The following ASRGL1 variants were observed in gnomAD, a reference collection of about 807,000 sequenced individuals.
ASRGL1 encodes isoaspartyl peptidase/L-asparaginase.
Under a neutral mutation model 22.4 loss-of-function variants are expected in ASRGL1, and 16 were observed. The observed-to-expected ratio is 0.71, with a 90% CI of 0.48 to 1.08. ASRGL1 has a LOEUF of 1.08. ASRGL1 is among the 50% of genes least tolerant of loss of function. The probability of loss-of-function intolerance (pLI) is 0.00; values close to 1 mark genes in which losing one functional copy is unlikely to be tolerated. For synonymous variants in ASRGL1, 165 were observed against 159.3 expected (o/e 1.04, Z -0.27); for missense variants, 412 against 410.1 (o/e 1.00, Z -0.04).
At chr11:62,390,981 G>C (rs2134705043) in intron 5 of ASRGL1, among the ~76,000 whole-genome samples, 1 of 152,314 alleles carries the variant, frequency 6.6e-6, no homozygotes, top group South Asian at 2.1e-4. Flanking sequence ...TATCAAAGTA[G>C]CTTTCACTCC....
intron 5 of ASRGL1, among the ~76,000 whole-genome samples, chr11:62,391,196 G>T (rs1319257132): frequency 3.3e-5 from 5 of 152,186 alleles, no homozygotes; most frequent in African/African-American, 4.8e-5. Flanking sequence ...AGTGTGTGGG[G>T]CATGAGGAGG....
At chr11:62,339,744 C>T (rs1247510586) in intron 2 of ASRGL1, among the ~76,000 whole-genome samples, 4 of 152,146 alleles carry the variant, frequency 2.6e-5, no homozygotes, top group Non-Finnish European at 5.9e-5. Flanking sequence ...CCTCATTTCT[C>T]AGATCAGACT....
chr11:62,363,366 T>C, intron 4 of ASRGL1, among the ~76,000 whole-genome samples: 1 of 151,996 alleles, frequency 6.6e-6, no homozygotes, highest in East Asian at 1.9e-4. Flanking sequence ...TTGAAGAAAA[T>C]TCATAGAGAG....
intron 4 of ASRGL1, among the ~76,000 whole-genome samples, chr11:62,383,602 CAAAAAAAAAAAA>C (rs35096038): frequency 1.8e-4 from 4 of 21,900 alleles, no homozygotes; most frequent in Admixed American, 7.8e-4. Flanking sequence ...GACTCCTACT[CAAAAAAAAAAAA>C]AAAAAAAAAA....
In ASRGL1 at chr11:62,393,252, G is replaced by A. The variant is rs1002939953; in HGVS notation, c.*968G>A. ...GCATGGTGAAGAAAGTCATTTCCTC[G>A]GTGGGCAGTATTCCTCTTTATCTCT... On this transcript the variant is annotated 3_prime_UTR_variant, in exon 7 of 7. Coordinates refer to ENST00000415229, the MANE Select transcript of ASRGL1 (RefSeq NM_001083926.2). 4 of 152,136 alleles carry A rather than the reference G, an allele frequency of 2.6e-5. No homozygotes were observed. Among genetic ancestry groups the A allele is most frequent in the Admixed American group, 6.5e-5 (1 of 15,276 alleles). 9.4% of individuals were successfully genotyped at this position (152,136 alleles called of 1,614,324 possible).
At chr11:62,374,124 G>A (rs1194711786) in intron 4 of ASRGL1, among the ~76,000 whole-genome samples, 5 of 152,256 alleles carry the variant, frequency 3.3e-5, no homozygotes, top group Admixed American at 6.5e-5. Flanking sequence ...TGCCTCGTGC[G>A]GGCCATCCTG....
intron 4 of ASRGL1, chr11:62,371,999 G>T: frequency 1.5e-6 from 1 of 680,536 alleles, no homozygotes; most frequent in Non-Finnish European, 2.7e-6. Context: ...AGCTGCGTAC[G>T]GCAATATCCG....
intron 5 of ASRGL1, among the ~76,000 whole-genome samples, chr11:62,390,495 AC>A (rs1947312660): frequency 6.6e-6 from 1 of 152,180 alleles, no homozygotes; most frequent in Admixed American, 6.5e-5. Context: ...TGCCAGGACC[AC>A]CCTTGGAGAC....
At chr11:62,396,039 G>A (rs1947429775), downstream of ASRGL1, among the ~76,000 whole-genome samples, 1 of 151,964 alleles carries the variant, frequency 6.6e-6, no homozygotes, top group African/African-American at 2.4e-5. Flanking sequence ...CCCCCAAAGT[G>A]CTGGGATTAC....
intron 4 of ASRGL1, among the ~76,000 whole-genome samples, chr11:62,388,671 A>AG (rs2134699847): frequency 6.8e-6 from 1 of 146,548 alleles, no homozygotes; most frequent in Admixed American, 6.8e-5. Context: ...CTTCATCTCA[A>AG]AAAAAAAAAA....
intron 4 of ASRGL1, among the ~76,000 whole-genome samples, chr11:62,388,928 G>A (rs1166237564): frequency 2.0e-5 from 3 of 152,192 alleles, no homozygotes; most frequent in African/African-American, 7.2e-5. Context: ...TACTCTTAAA[G>A]CTGAGGTGTG....
chr11:62,376,601 A>G (rs1432504828), intron 4 of ASRGL1, among the ~76,000 whole-genome samples: 1 of 152,150 alleles, frequency 6.6e-6, no homozygotes, highest in Admixed American at 6.5e-5. Context: ...TTTAAAGTAT[A>G]GAGTGCTAGA....
At chr11:62,347,420 G>T (rs191906260) in intron 2 of ASRGL1, among the ~76,000 whole-genome samples, 5 of 152,042 alleles carry the variant, frequency 3.3e-5, no homozygotes, top group Non-Finnish European at 1.5e-5. Flanking sequence ...CTGATTACAC[G>T]ATTGGTTCCC....
At chr11:62,384,286 T>C (rs1332645377) in intron 4 of ASRGL1, among the ~76,000 whole-genome samples, 3 of 151,756 alleles carry the variant, frequency 2.0e-5, no homozygotes, top group Non-Finnish European at 4.4e-5. Flanking sequence ...AGGCAGATCA[T>C]GAGGTCAGGA....
chr11:62,389,246 G>GTC lies in ASRGL1; in HGVS notation c.607_608dup (p.Gly204Ter). The stretch of plus-strand genomic sequence containing the variant: ...GTCGGCCGCGTTGGGGACTCACCGT[G>GTC]TCTAGGTAGGACCAAGGGATGCCTC... On this transcript the variant is annotated frameshift_variant, in exon 5 of 7. Transcript: ENST00000415229. LOFTEE classifies it high-confidence loss of function. The GTC allele has an allele frequency of 6.2e-7, 1 of 1,613,442 alleles. No homozygotes were observed. The highest frequency in any genetic ancestry group is 8.5e-7 in the Non-Finnish European group (1 of 1,179,384).
At chr11:62,360,217 A>C (rs1946400787) in intron 4 of ASRGL1, among the ~76,000 whole-genome samples, 1 of 151,056 alleles carries the variant, frequency 6.6e-6, no homozygotes, top group Non-Finnish European at 1.5e-5. Context: ...TAGTAGAGAG[A>C]GGGTTTCACC....
At chr11:62,347,998 A>G (rs903675623) in intron 2 of ASRGL1, among the ~76,000 whole-genome samples, 1 of 152,226 alleles carries the variant, frequency 6.6e-6, no homozygotes, top group African/African-American at 2.4e-5. Flanking sequence ...GAAGTACTAC[A>G]TTGAATCCAC....
intron 2 of ASRGL1, among the ~76,000 whole-genome samples, chr11:62,355,350 C>T (rs529298939): frequency 1.3e-5 from 2 of 152,248 alleles, no homozygotes; most frequent in East Asian, 1.9e-4. Flanking sequence ...CTCAGCCTCC[C>T]GAGTAGCTGT....
chr11:62,384,614 A>G (rs932345760), intron 4 of ASRGL1, among the ~76,000 whole-genome samples: 28 of 151,144 alleles, frequency 1.9e-4, no homozygotes, highest in African/African-American at 6.1e-4. Context: ...TAATTTCACT[A>G]TGTATATCAA....
Sources: allele counts gnomAD v4.1 joint callset (sites outside exome capture counted in the v4.1 genomes callset), GRCh38; gene constraint gnomAD v4.1.1; transcripts MANE v1.5; gene names NCBI Gene and HGNC (gene_info 2026-07-23, HGNC 2026-07-21).